Variants in LRRC28 observed in about 807,000 individuals in gnomAD.
LRRC28 encodes leucine rich repeat containing 28, also known as leucine-rich repeat-containing protein 28.
In LRRC28, 39 loss-of-function variants were observed where a neutral mutation model predicts 45.7. The ratio of observed to expected loss-of-function variants is 0.85; its 90% confidence interval spans 0.66 to 1.12. The LOEUF (loss-of-function observed/expected upper bound fraction) is 1.12. Among genes scored for constraint, LRRC28 ranks in the 50% most tolerant of loss-of-function variants. The probability of loss-of-function intolerance (pLI) is 0.00; values close to 1 mark genes in which losing one functional copy is unlikely to be tolerated. For synonymous variants in LRRC28, 206 were observed against 178.8 expected (o/e 1.15, Z -1.22); for missense variants, 435 against 438.5 (o/e 0.99, Z 0.07).
chr15:99,284,099 G>T (rs1003491207), intron 3 of LRRC28, among the ~76,000 whole-genome samples: 1 of 152,162 alleles, frequency 6.6e-6, no homozygotes, highest in African/African-American at 2.4e-5. Flanking sequence ...GGCTATTAAG[G>T]TGCAGGTAGT....
rs766338889 is a variant in LRRC28 at position 99,282,177 on chromosome 15, G to GTTTTTTTTTTTTTTTTTT, written c.210-5066_210-5065insTTTTTTTTTTTTTTTTTT. 2.9e-3 allele frequency among the ~76,000 whole-genome samples: 287 copies of GTTTTTTTTTTTTTTTTTT among 98,004 alleles called. 19 individuals carry two copies. The highest frequency in any genetic ancestry group is 6.6e-3 in the African/African-American group (138 of 20,752). The allele number at this position is 98,004 out of a possible 152,430, so 64.3% of individuals were successfully genotyped here. A position where few individuals can be genotyped will look rare whatever the true frequency, so the allele number is the denominator to read the frequency against. ...GGATTCCTTATGCAAATTTTTGGAG[G>GTTTTTTTTTTTTTTTTTT]TTTTTTTTTTTTTTGTAGCAGTAGC... On this transcript the variant is annotated intron_variant, in intron 3 of 9. Coordinates refer to ENST00000301981, the MANE Select transcript of LRRC28 (RefSeq NM_144598.5).
intron 9 of LRRC28, among the ~76,000 whole-genome samples, chr15:99,376,446 G>C (rs1957635799): frequency 6.6e-6 from 1 of 152,064 alleles, no homozygotes; most frequent in South Asian, 2.1e-4. Flanking sequence ...TTTCTAGTAT[G>C]TGTGTTTAGT....
intron 2 of LRRC28, among the ~76,000 whole-genome samples, chr15:99,270,666 A>G (rs2081453762): frequency 6.6e-6 from 1 of 152,120 alleles, no homozygotes; most frequent in Non-Finnish European, 1.5e-5. Flanking sequence ...CCATTTGTTT[A>G]CCCATTCATC....
intron 2 of LRRC28, among the ~76,000 whole-genome samples, chr15:99,269,707 C>G (rs1036845985): frequency 6.6e-6 from 1 of 152,090 alleles, no homozygotes. Flanking sequence ...CTGGCCTTAA[C>G]ATTTAAATTA....
intron 7 of LRRC28, chr15:99,353,837 T>G (rs1320833029): frequency 6.6e-6 from 1 of 152,208 alleles, no homozygotes; most frequent in Non-Finnish European, 1.5e-5. Context: ...CTTTGTCGTT[T>G]AGATATAGAT....
chr15:99,376,896 A>G (rs1181287313), intron 9 of LRRC28, among the ~76,000 whole-genome samples: 1 of 152,196 alleles, frequency 6.6e-6, no homozygotes, highest in Non-Finnish European at 1.5e-5. Context: ...ATGGCTGCAG[A>G]GTATTCCATG....
chr15:99,258,477 T>C (rs1199926236), intron 2 of LRRC28: 2 of 787,842 alleles, frequency 2.5e-6, no homozygotes, highest in East Asian at 4.9e-5. Context: ...GCAGCAAGAC[T>C]GAAACTGTTA....
In LRRC28 at chr15:99,388,232, A is replaced by G. The variant is rs1455028651; in HGVS notation, c.*2130A>G. ...TGCTACCTATGATTTAAGTGACAGT[A>G]AATGTCTTGCTACATTTTTCTATTT... On this transcript the variant is annotated 3_prime_UTR_variant, in exon 10 of 10. Coordinates refer to ENST00000301981, the MANE Select transcript of LRRC28 (RefSeq NM_144598.5). The G allele has an allele frequency of 1.3e-5, 2 of 152,258 alleles. No homozygotes were observed. Among genetic ancestry groups the G allele is most frequent in the Non-Finnish European group, 2.9e-5 (2 of 68,048 alleles). 9.4% of individuals were successfully genotyped at this position (152,258 alleles called of 1,614,324 possible). A position where few individuals can be genotyped will look rare whatever the true frequency, so the allele number is the denominator to read the frequency against.
At chr15:99,380,636 C>A (rs1257965529) in intron 9 of LRRC28, among the ~76,000 whole-genome samples, 5 of 152,176 alleles carry the variant, frequency 3.3e-5, no homozygotes, top group African/African-American at 1.2e-4. Context: ...CATCTATGGT[C>A]TTTACAATTT....
Position 99,387,509 on chromosome 15 carries a change from G to C in LRRC28, c.*1407G>C, listed in dbSNP as rs1958061031. On this transcript the variant is annotated 3_prime_UTR_variant, in exon 10 of 10. Transcript: ENST00000301981. ...CAACTGAGAAAATACAGGAAAAGCA[G>C]GTCCAAATTCAGCCTTCGACTTCTG... 6.6e-6 allele frequency: 1 copy of C among 152,154 alleles called. No individual in the cohort carries two copies. The highest frequency in any genetic ancestry group is 1.5e-5 in the Non-Finnish European group (1 of 68,034). 9.4% of individuals were successfully genotyped at this position (152,154 alleles called of 1,614,324 possible).
chr15:99,315,114 A>G (rs188028515), intron 5 of LRRC28, among the ~76,000 whole-genome samples: 13 of 152,246 alleles, frequency 8.5e-5, no homozygotes, highest in African/African-American at 3.1e-4. Flanking sequence ...ATGAAAAAAA[A>G]TTTTTACCAT....
chr15:99,277,466 C>T (rs2081649234), intron 3 of LRRC28, among the ~76,000 whole-genome samples: 2 of 152,086 alleles, frequency 1.3e-5, no homozygotes, highest in Admixed American at 6.6e-5. Context: ...TGCCCCCTCC[C>T]CCAAGCTGAA....
chr15:99,365,974 A>G (rs1195193596), intron 9 of LRRC28, among the ~76,000 whole-genome samples: 1 of 152,256 alleles, frequency 6.6e-6, no homozygotes, highest in African/African-American at 2.4e-5. Context: ...ACTTCAACAT[A>G]GAAGATTATT....
chr15:99,273,409 TG>T (rs1484862937), intron 2 of LRRC28, among the ~76,000 whole-genome samples: 9 of 152,088 alleles, frequency 5.9e-5, no homozygotes, highest in African/African-American at 2.2e-4. Context: ...GCTAATTTTT[TG>T]TATTTTTTAG....
intron 5 of LRRC28, among the ~76,000 whole-genome samples, chr15:99,327,324 C>T (rs1956018084): frequency 6.6e-6 from 1 of 152,158 alleles, no homozygotes; most frequent in Admixed American, 6.5e-5. Flanking sequence ...ATCCACCCAC[C>T]TCCCAAAATG....
intron 1 of LRRC28, among the ~76,000 whole-genome samples, chr15:99,252,780 C>T (rs148887962): frequency 2.3e-3 from 353 of 152,280 alleles, no homozygotes; most frequent in African/African-American, 7.7e-3. Context: ...TTTTAAGTCC[C>T]TGGATACATG....
intron 5 of LRRC28, among the ~76,000 whole-genome samples, chr15:99,318,244 G>T (rs4577065): frequency 0.14 from 21,782 of 151,870 alleles, 1,566 homozygotes; most frequent in Non-Finnish European, 0.16. Flanking sequence ...GTTTTCTGTT[G>T]CAGTGAACCA....
intron 9 of LRRC28, 135 bp downstream of exon 9, chr15:99,363,400 A>T: frequency 1.2e-6 from 1 of 863,004 alleles, no homozygotes; most frequent in Non-Finnish European, 1.7e-6. Flanking sequence ...AAACAGCTAA[A>T]TGAAACGATG....
intron 8 of LRRC28, among the ~76,000 whole-genome samples, chr15:99,361,933 A>G (rs1184523361): frequency 6.6e-6 from 1 of 152,204 alleles, no homozygotes; most frequent in East Asian, 1.9e-4. Flanking sequence ...TCAAAGTTGG[A>G]TACGTCAATA....
Sources: gnomAD v4.1 joint callset for allele counts (sites outside exome capture counted in the v4.1 genomes callset) on GRCh38, gnomAD v4.1.1 for gene constraint, MANE v1.5 for transcripts, NCBI Gene and HGNC (gene_info 2026-07-23, HGNC 2026-07-21) for gene names.